The following CMSS1 variants were observed in gnomAD, a reference collection of about 807,000 sequenced individuals.
CMSS1 encodes protein CMSS1.
CMSS1 carries 33 observed loss-of-function variants against 43.5 expected under a neutral mutation model. The ratio of observed to expected loss-of-function variants is 0.76; its 90% CI spans 0.57 to 1.01. The LOEUF (loss-of-function observed/expected upper bound fraction) is 1.01. Ranked by LOEUF, CMSS1 falls within the 50% of genes least tolerant of loss-of-function variation. The pLI is 0.00. For missense variants in CMSS1, 313 were observed against 326.4 expected, an observed-to-expected ratio of 0.96 and a Z score of 0.32; for synonymous variants, 115 against 117.2, an observed-to-expected ratio of 0.98 and a Z score of 0.12.
At chr3:99,876,857 T>C (rs1705551585) in intron 1 of CMSS1, among the ~76,000 whole-genome samples, 1 of 152,246 alleles carries the variant, frequency 6.6e-6, no homozygotes, top group Admixed American at 6.5e-5. Context: ...AACTATCATT[T>C]TTTGGCAGGG....
chr3:99,853,053 C>G (rs1943782157), intron 1 of CMSS1, among the ~76,000 whole-genome samples: 2 of 152,176 alleles, frequency 1.3e-5, no homozygotes, highest in African/African-American at 4.8e-5. Flanking sequence ...AAGGCTTGCC[C>G]ATGGTTTCTG....
intron 1 of CMSS1, among the ~76,000 whole-genome samples, chr3:99,867,734 C>T (rs143570492): frequency 5.3e-5 from 8 of 152,274 alleles, no homozygotes; most frequent in African/African-American, 1.9e-4. Flanking sequence ...CCTTTCCTCC[C>T]TTCTTTCCTA....
intron 1 of CMSS1, among the ~76,000 whole-genome samples, chr3:99,862,898 T>G (rs1436671445): frequency 6.6e-6 from 1 of 152,218 alleles, no homozygotes; most frequent in African/African-American, 2.4e-5. Context: ...CAATATCCAA[T>G]GAAATGCCAG....
chr3:99,949,382 T>A (rs537516272), intron 1 of CMSS1, among the ~76,000 whole-genome samples: 96 of 152,370 alleles, frequency 6.3e-4, no homozygotes, highest in African/African-American at 2.1e-3. Context: ...TATTTAAATA[T>A]ACTTAGGATT....
intron 1 of CMSS1, among the ~76,000 whole-genome samples, chr3:99,998,790 C>T (rs1179166817): frequency 6.6e-6 from 1 of 152,140 alleles, no homozygotes; most frequent in Non-Finnish European, 1.5e-5. Flanking sequence ...AGGATGGTCT[C>T]GATCTCCTGA....
At chr3:100,162,473 A>G in intron 4 of CMSS1, 41 bp downstream of exon 4, 1 of 1,592,470 alleles carries the variant, frequency 6.3e-7, no homozygotes, top group Non-Finnish European at 8.6e-7. Context: ...AAGGAGCAAA[A>G]CATAAGTATC....
intron 1 of CMSS1, among the ~76,000 whole-genome samples, chr3:99,963,539 T>G (rs1265226515): frequency 6.6e-6 from 1 of 152,134 alleles, no homozygotes; most frequent in Admixed American, 6.5e-5. Context: ...GAGCGGGATA[T>G]TTACATTTTG....
chr3:100,161,708 G>A (rs534832284), intron 3 of CMSS1, among the ~76,000 whole-genome samples: 22 of 152,260 alleles, frequency 1.4e-4, no homozygotes, highest in African/African-American at 5.1e-4. Flanking sequence ...ACACAAATGA[G>A]TCCAAATCAA....
intron 1 of CMSS1, among the ~76,000 whole-genome samples, chr3:99,931,390 T>C (rs1411383214): frequency 1.3e-5 from 2 of 152,200 alleles, no homozygotes; most frequent in African/African-American, 4.8e-5. Context: ...AACATAATTA[T>C]AATATTGTAA....
At chr3:100,016,893 T>C (rs951460322) in intron 1 of CMSS1, among the ~76,000 whole-genome samples, 4 of 152,230 alleles carry the variant, frequency 2.6e-5, no homozygotes, top group Non-Finnish European at 5.9e-5. Flanking sequence ...GAATTAGTTG[T>C]GTCCAAAATA....
At chr3:100,016,409 T>C (rs952994559) in intron 1 of CMSS1, among the ~76,000 whole-genome samples, 1 of 152,192 alleles carries the variant, frequency 6.6e-6, no homozygotes, top group Non-Finnish European at 1.5e-5. Flanking sequence ...CAGGCTGGTC[T>C]CAAATTCCTG....
intron 2 of CMSS1, among the ~76,000 whole-genome samples, chr3:100,147,410 C>G (rs1033932259): frequency 1.3e-5 from 2 of 151,034 alleles, no homozygotes; most frequent in Non-Finnish European, 3.0e-5. Context: ...AGCTGGGATA[C>G]CACAGGCATG....
intron 1 of CMSS1, among the ~76,000 whole-genome samples, chr3:100,078,467 G>A (rs749699910): frequency 6.6e-6 from 1 of 152,062 alleles, no homozygotes; most frequent in Non-Finnish European, 1.5e-5. Context: ...GTTTAAAACA[G>A]CAATAATTTA....
At chr3:100,121,249 C>T (rs184182311) in intron 1 of CMSS1, among the ~76,000 whole-genome samples, 1 of 150,120 alleles carries the variant, frequency 6.7e-6, no homozygotes, top group Non-Finnish European at 1.5e-5. Flanking sequence ...CCTAGCCCCC[C>T]ACCCCCCTAC....
chr3:100,118,711 C>A (rs149403951), intron 1 of CMSS1, among the ~76,000 whole-genome samples: 1 of 152,116 alleles, frequency 6.6e-6, no homozygotes, highest in Non-Finnish European at 1.5e-5. Flanking sequence ...AAAGTTGACC[C>A]CTAGGACAGA....
chr3:100,146,930 A>G lies in CMSS1; in HGVS notation c.65-43A>G, dbSNP rs552931008. ...TGGTACCAAGATTGCACTAGCAATG[A>G]GAGAGAGAGACTTTTCTGATTTTCA... is the stretch of plus-strand genomic sequence containing the variant. On this transcript the variant is annotated intron_variant, in intron 1 of 9. Transcript: ENST00000421999. 1.3e-5 allele frequency: 20 copies of G among 1,566,974 alleles called. No individual in the cohort carries two copies. In the Admixed American group the frequency reaches 3.1e-4, roughly 24 times the overall value.
chr3:100,154,535 T>C (rs2066954099), intron 2 of CMSS1, among the ~76,000 whole-genome samples: 1 of 152,222 alleles, frequency 6.6e-6, no homozygotes, highest in Admixed American at 6.5e-5. Context: ...GAGTGTGTAT[T>C]GAATAACTTT....
At position 100,102,068 on chromosome 3, in the gene CMSS1, C is replaced by G. The variant is rs143519801; in HGVS notation, c.65-44905C>G. ...CAAGTCTTTGCTATTGTGAATAGTG[C>G]CACAATAAACATACGTGTGCATGTG... On this transcript the variant is annotated intron_variant, in intron 1 of 9. Coordinates refer to ENST00000421999, the MANE Select transcript of CMSS1 (RefSeq NM_032359.4). 6.2e-3 allele frequency among the ~76,000 whole-genome samples: 940 copies of G among 152,246 alleles called. 6 individuals are homozygous for G. The highest frequency in any genetic ancestry group is 0.018 in the African/African-American group (745 of 41,536).
intron 1 of CMSS1, among the ~76,000 whole-genome samples, chr3:99,829,269 T>C (rs1479789570): frequency 6.6e-6 from 1 of 152,190 alleles, no homozygotes; most frequent in Non-Finnish European, 1.5e-5. Context: ...AAATGTTTTT[T>C]GAACTGCCTT....
Sources: allele counts gnomAD v4.1 joint callset (sites outside exome capture counted in the v4.1 genomes callset), GRCh38; gene constraint gnomAD v4.1.1; transcripts MANE v1.5; gene names NCBI Gene and HGNC (gene_info 2026-07-23, HGNC 2026-07-21).